ATP2B2: variants seen among roughly 807,000 people sequenced by gnomAD.
ATP2B2 encodes the protein ATPase plasma membrane Ca2+ transporting 2.
In ATP2B2, 15 loss-of-function variants were observed where a neutral mutation model predicts 120.0. The observed-to-expected ratio is 0.12, with a 90% CI of 0.08 to 0.19. ATP2B2 has a LOEUF of 0.19. ATP2B2 is among the 10% of genes least tolerant of loss of function. The pLI, the probability that ATP2B2 is intolerant of heterozygous loss-of-function variation, is 1.00. For synonymous variants in ATP2B2, 694 were observed against 700.3 expected (o/e 0.99, Z 0.14); for missense variants, 1,045 against 1,719.8 (o/e 0.61, Z 6.94).
At chr3:10,448,085 C>CCATTTTGCCTG (rs2063901577) in intron 2 of ATP2B2, among the ~76,000 whole-genome samples, 2 of 152,150 alleles carry the variant, frequency 1.3e-5, no homozygotes, top group Admixed American at 1.3e-4. Context: ...GGAAATGCTG[C>CCATTTTGCCTG]CAGGGCTAGA....
At chr3:10,642,998 G>C (rs1009345765) in intron 1 of ATP2B2, among the ~76,000 whole-genome samples, 2 of 152,164 alleles carry the variant, frequency 1.3e-5, no homozygotes, top group Admixed American at 6.5e-5. Flanking sequence ...GGGCAGGCCA[G>C]GTTCAGGATG....
Position 10,359,939 on chromosome 3 carries a change from A to G in ATP2B2, c.1844T>C (p.Leu615Pro). ...VRKSMSTVIK[L>P]PDESFRMYSK... ...GTACATGCGGAAGCTCTCGTCGGGC[A>G]GCTTGATGACAGTGCTCATGGACTT... Residue 615 changes from leucine (L) to proline (P), a missense_variant, in exon 13 of 23, where the codon CTG becomes CCG. By Grantham distance (98) the Leu-to-Pro change is moderately conservative. Transcript: ENST00000360273. 6.2e-7 allele frequency: 1 copy of G among 1,614,236 alleles called. No homozygotes were observed. Among genetic ancestry groups the G allele is most frequent in the Non-Finnish European group, 8.5e-7 (1 of 1,180,040 alleles).
At chr3:10,547,077 G>T (rs2067563583) in intron 2 of ATP2B2, among the ~76,000 whole-genome samples, 1 of 152,200 alleles carries the variant, frequency 6.6e-6, no homozygotes, top group African/African-American at 2.4e-5. Context: ...AGAGGCCCCT[G>T]TGCCCTCCGA....
intron 22 of ATP2B2, among the ~76,000 whole-genome samples, chr3:10,331,658 GA>G (rs34992684): frequency 0.62 from 89,438 of 143,698 alleles, 27,979 homozygotes; most frequent in East Asian, 0.87. Context: ...AAAACTATGG[GA>G]AAAAAAAAAA....
At chr3:10,385,509 A>C (rs1031237152) in intron 7 of ATP2B2, among the ~76,000 whole-genome samples, 182 bp from the exon 8 acceptor site, 4 of 152,190 alleles carry the variant, frequency 2.6e-5, no homozygotes, top group Non-Finnish European at 4.4e-5. Flanking sequence ...GAGATGCCGC[A>C]GAGGTTGAGG....
chr3:10,409,000 C>T (rs932701524), intron 3 of ATP2B2, among the ~76,000 whole-genome samples: 12 of 152,132 alleles, frequency 7.9e-5, no homozygotes, highest in South Asian at 2.1e-4. Flanking sequence ...GCCTTGGTTT[C>T]GTGGATAATA....
chr3:10,617,586 C>T (rs867787453), intron 2 of ATP2B2, among the ~76,000 whole-genome samples: 5 of 152,194 alleles, frequency 3.3e-5, no homozygotes, highest in Non-Finnish European at 5.9e-5. Context: ...ACCCACATGC[C>T]CAAGGCCATG....
chr3:10,403,480 G>T (rs2062300032), intron 3 of ATP2B2, among the ~76,000 whole-genome samples: 2 of 152,256 alleles, frequency 1.3e-5, no homozygotes, highest in Admixed American at 6.5e-5. Flanking sequence ...CTCATGCAGT[G>T]CTGGGCCTAA....
At chr3:10,657,479 C>T (rs536437769) in intron 1 of ATP2B2, among the ~76,000 whole-genome samples, 65 of 152,356 alleles carry the variant, frequency 4.3e-4, no homozygotes, top group African/African-American at 1.4e-3. Context: ...TCAGCTACCA[C>T]CAGTGGTGGG....
At chr3:10,401,171 G>A in intron 4 of ATP2B2, 93 bp from the exon 5 acceptor site, 1 of 1,528,498 alleles carries the variant, frequency 6.5e-7, no homozygotes, top group Non-Finnish European at 8.9e-7. Flanking sequence ...GGGAAGGTTT[G>A]CCATCAGGGA....
chr3:10,506,300 G>A (rs2066624712), upstream of ATP2B2, among the ~76,000 whole-genome samples: 1 of 152,164 alleles, frequency 6.6e-6, no homozygotes, highest in African/African-American at 2.4e-5. Context: ...GTGGTGGTGG[G>A]GGCTGGCTTG....
chr3:10,531,033 C>T (rs2067199044), intron 3 of ATP2B2, among the ~76,000 whole-genome samples: 1 of 152,180 alleles, frequency 6.6e-6, no homozygotes, highest in Non-Finnish European at 1.5e-5. Flanking sequence ...TTCCTGCTGG[C>T]AAAGAGAGTG....
At chr3:10,579,890 G>A (rs1467871366) in intron 2 of ATP2B2, among the ~76,000 whole-genome samples, 1 of 152,110 alleles carries the variant, frequency 6.6e-6, no homozygotes, top group Non-Finnish European at 1.5e-5. Flanking sequence ...CCGCCCCACA[G>A]TTTCCCCTTC....
At chr3:10,494,868 A>G (rs988842565) in intron 1 of ATP2B2, among the ~76,000 whole-genome samples, 3 of 152,150 alleles carry the variant, frequency 2.0e-5, no homozygotes, top group African/African-American at 4.8e-5. Flanking sequence ...TCCCCCCAAG[A>G]CAGAGGTCAA....
intron 2 of ATP2B2, among the ~76,000 whole-genome samples, chr3:10,421,695 T>C (rs1325693990): frequency 6.7e-6 from 1 of 149,556 alleles, no homozygotes; most frequent in Non-Finnish European, 1.5e-5. Flanking sequence ...CAGTGGCCTC[T>C]CTGTGAGGTT....
intron 1 of ATP2B2, among the ~76,000 whole-genome samples, chr3:10,701,584 C>G (rs1186827398): frequency 3.3e-5 from 5 of 151,938 alleles, no homozygotes; most frequent in Non-Finnish European, 7.4e-5. Context: ...ATTTATTAAC[C>G]ACCTACTATG....
At chr3:10,568,422 C>T (rs2068055613) in intron 2 of ATP2B2, among the ~76,000 whole-genome samples, 1 of 152,168 alleles carries the variant, frequency 6.6e-6, no homozygotes, top group South Asian at 2.1e-4. Flanking sequence ...AAAACCCACA[C>T]ACTTGATGTT....
At chr3:10,692,094 G>C (rs2071673342) in intron 1 of ATP2B2, among the ~76,000 whole-genome samples, 1 of 152,198 alleles carries the variant, frequency 6.6e-6, no homozygotes, top group East Asian at 1.9e-4. Flanking sequence ...CAGAGAGAGA[G>C]AGAGAATTGA....
At chr3:10,488,321 AAATC>A (rs2065791911) in intron 1 of ATP2B2, among the ~76,000 whole-genome samples, 1 of 81,650 alleles carries the variant, frequency 1.2e-5, no homozygotes, top group Non-Finnish European at 2.4e-5. Context: ...ATTCACTCAC[AAATC>A]CATCCATCCA....
Sources: allele counts gnomAD v4.1 joint callset (sites outside exome capture counted in the v4.1 genomes callset), GRCh38; gene constraint gnomAD v4.1.1; transcripts MANE v1.5; gene names NCBI Gene and HGNC (gene_info 2026-07-23, HGNC 2026-07-21).